ARHGAP8: variants seen among roughly 807,000 people sequenced by gnomAD.
The protein encoded by ARHGAP8 is rho GTPase-activating protein 8.
Under a neutral mutation model 46.1 loss-of-function variants are expected in ARHGAP8, and 62 were observed. That is an observed-to-expected ratio of 1.34 (90% CI 1.10 to 1.66). The LOEUF is 1.66. Among genes scored for constraint, ARHGAP8 ranks in the 40% most tolerant of loss-of-function variants. The pLI, the probability that ARHGAP8 is intolerant of heterozygous loss-of-function variation, is 0.00. For synonymous variants in ARHGAP8, 375 were observed against 243.1 expected (o/e 1.54, Z -5.05); for missense variants, 923 against 568.4 (o/e 1.62, Z -6.34).
rs749514666 is a variant in ARHGAP8 at position 44,786,634 on chromosome 22, G to C, written c.79+28G>C. 5.0e-6 allele frequency: 8 copies of C among 1,603,112 alleles called. No homozygotes were observed. In the African/African-American group the frequency reaches 1.1e-4, roughly 21 times the overall value. On this transcript the variant is annotated intron_variant, in intron 2 of 11. Coordinates refer to ENST00000356099, the MANE Select transcript of ARHGAP8 (RefSeq NM_181335.3). Reference sequence around the variant, plus strand: ...AGGGCCCCAGCTGGGCAGTCTGCAGGACCATGGGCAGAGCAGCCTTCCTCT... The same window carrying C: ...AGGGCCCCAGCTGGGCAGTCTGCAGCACCATGGGCAGAGCAGCCTTCCTCT...
intron 11 of ARHGAP8, among the ~76,000 whole-genome samples, chr22:44,860,082 C>T (rs949494495): frequency 7.2e-5 from 11 of 152,188 alleles, no homozygotes; most frequent in African/African-American, 7.2e-5. Flanking sequence ...TGTCCCTCAG[C>T]CATTGCCAGT....
At chr22:44,833,104 T>TCTTTTC (rs1569169241) in intron 7 of ARHGAP8, among the ~76,000 whole-genome samples, 30 of 147,260 alleles carry the variant, frequency 2.0e-4, no homozygotes, top group African/African-American at 7.5e-4. Context: ...TTCTTTTTTT[T>TCTTTTC]TTTTTTTTTT....
intron 8 of ARHGAP8, among the ~76,000 whole-genome samples, chr22:44,847,412 C>T (rs1373956018): frequency 6.6e-6 from 1 of 152,252 alleles, no homozygotes; most frequent in African/African-American, 2.4e-5. Context: ...CCACCAGCCC[C>T]TGTGGCAGTA....
chr22:44,850,497 A>G (rs1486023276), intron 10 of ARHGAP8: 2 of 152,218 alleles, frequency 1.3e-5, no homozygotes, highest in Non-Finnish European at 2.9e-5. Flanking sequence ...AGAAGCTTCC[A>G]GAAGCCTCCC....
chr22:44,851,209 A>T (rs1227581131), intron 10 of ARHGAP8, among the ~76,000 whole-genome samples: 1 of 152,068 alleles, frequency 6.6e-6, no homozygotes, highest in Non-Finnish European at 1.5e-5. Context: ...CAATTAACAA[A>T]CCTGGAGAGC....
intron 1 of ARHGAP8, among the ~76,000 whole-genome samples, chr22:44,754,268 G>A (rs1924485791): frequency 6.6e-6 from 1 of 152,104 alleles, no homozygotes; most frequent in Non-Finnish European, 1.5e-5. Context: ...AGGTACGGGT[G>A]GAAAAGTCCA....
chr22:44,773,333 G>A (rs1417845999), intron 1 of ARHGAP8, among the ~76,000 whole-genome samples: 1 of 152,194 alleles, frequency 6.6e-6, no homozygotes, highest in Non-Finnish European at 1.5e-5. Flanking sequence ...GTCTCAAGAT[G>A]TAGATTTAGC....
intron 4 of ARHGAP8, among the ~76,000 whole-genome samples, chr22:44,811,375 T>C (rs1929322537): frequency 6.6e-6 from 1 of 152,196 alleles, no homozygotes. Context: ...GCTCTCACAT[T>C]GAAGGGCGTT....
At chr22:44,768,562 C>G (rs1378913349) in intron 1 of ARHGAP8, among the ~76,000 whole-genome samples, 1 of 152,076 alleles carries the variant, frequency 6.6e-6, no homozygotes, top group South Asian at 2.1e-4. Flanking sequence ...CCGCCTCAGC[C>G]TCCCAAAGCA....
chr22:44,790,986 G>A (rs1927638743), intron 2 of ARHGAP8, among the ~76,000 whole-genome samples: 1 of 151,944 alleles, frequency 6.6e-6, no homozygotes, highest in Non-Finnish European at 1.5e-5. Context: ...ACCCTCATTG[G>A]CCTCCCAAAG....
At chr22:44,791,743 A>T (rs191793232) in intron 2 of ARHGAP8, among the ~76,000 whole-genome samples, 1 of 152,232 alleles carries the variant, frequency 6.6e-6, no homozygotes, top group East Asian at 1.9e-4. Flanking sequence ...GCTTCTTGAG[A>T]AACTTAACCA....
chr22:44,857,818 C>G (rs146310648), intron 10 of ARHGAP8, among the ~76,000 whole-genome samples: 1 of 152,218 alleles, frequency 6.6e-6, no homozygotes, highest in Non-Finnish European at 1.5e-5. Context: ...CCTCCTCTCT[C>G]TACACTGGGG....
chr22:44,756,238 C>G lies in ARHGAP8; in HGVS notation c.-72+3611C>G, dbSNP rs866018050. 4.6e-5 allele frequency among the ~76,000 whole-genome samples: 7 copies of G among 152,068 alleles called. No individual in the cohort carries two copies. The Middle Eastern group carries it at 0.01, about 222-fold the overall frequency. ...TCCCCGCTCCCTTCCCCTACCTGGC[C>G]GTAAAATGAAAACAAGCAAAGGAAA... On this transcript the variant is annotated intron_variant, in intron 1 of 11. Transcript: ENST00000356099.
At chr22:44,856,903 G>C (rs1326350190) in intron 10 of ARHGAP8, among the ~76,000 whole-genome samples, 2 of 143,220 alleles carry the variant, frequency 1.4e-5, no homozygotes, top group Non-Finnish European at 3.0e-5. Context: ...ACACAGTCGC[G>C]CTGCAGACAG....
At chr22:44,785,122 T>C (rs1474244722) in intron 1 of ARHGAP8, among the ~76,000 whole-genome samples, 1 of 152,180 alleles carries the variant, frequency 6.6e-6, no homozygotes, top group Non-Finnish European at 1.5e-5. Context: ...CCCTCCTCGA[T>C]GGGGTGTTGG....
intron 2 of ARHGAP8, among the ~76,000 whole-genome samples, chr22:44,792,846 T>C (rs1285001202): frequency 4.0e-5 from 6 of 150,968 alleles, no homozygotes; most frequent in Admixed American, 3.3e-4. Context: ...TTTTTTGAGA[T>C]GAAGTCTTAC....
At chr22:44,807,024 G>A (rs941034517) in intron 3 of ARHGAP8, among the ~76,000 whole-genome samples, 1 of 152,010 alleles carries the variant, frequency 6.6e-6, no homozygotes, top group Non-Finnish European at 1.5e-5. Flanking sequence ...CCAGGCTTCC[G>A]GGCAGTGCGG....
At chr22:44,811,724 A>G (rs1213001371) in intron 4 of ARHGAP8, among the ~76,000 whole-genome samples, 1 of 152,154 alleles carries the variant, frequency 6.6e-6, no homozygotes, top group Non-Finnish European at 1.5e-5. Flanking sequence ...AAATAGAATT[A>G]GATGAGATCG....
At chr22:44,802,879 G>C (rs1287165687) in intron 3 of ARHGAP8, among the ~76,000 whole-genome samples, 1 of 152,140 alleles carries the variant, frequency 6.6e-6, no homozygotes, top group African/African-American at 2.4e-5. Context: ...CACCTCATCT[G>C]AACTCATTGC....
Sources: gnomAD v4.1 joint callset for allele counts (sites outside exome capture counted in the v4.1 genomes callset) on GRCh38, gnomAD v4.1.1 for gene constraint, MANE v1.5 for transcripts, NCBI Gene and HGNC (gene_info 2026-07-23, HGNC 2026-07-21) for gene names.